ADGRL2: variants seen among roughly 807,000 people sequenced by gnomAD.
The protein encoded by ADGRL2 is adhesion G protein-coupled receptor L2, also known as calcium-independent alpha-latrotoxin receptor 2.
A neutral mutation model predicts 157.4 loss-of-function variants in ADGRL2; 44 were observed. That is an observed-to-expected ratio of 0.28 (90% confidence interval 0.22 to 0.36). ADGRL2 has a LOEUF of 0.36. Ranked by LOEUF, ADGRL2 falls within the 10% of genes least tolerant of loss-of-function variation. The pLI, the probability that ADGRL2 is intolerant of heterozygous loss-of-function variation, is 1.00. For missense variants in ADGRL2, 1,510 were observed against 1,768.9 expected, an observed-to-expected ratio of 0.85 and a Z score of 2.63; for synonymous variants, 585 against 624.7, an observed-to-expected ratio of 0.94 and a Z score of 0.95.
At chr1:81,850,391 A>G (rs1478374236) in intron 2 of ADGRL2, among the ~76,000 whole-genome samples, 3 of 151,704 alleles carry the variant, frequency 2.0e-5, no homozygotes. Flanking sequence ...TTGTCTTTTC[A>G]CACTTGATAT....
At chr1:81,487,898 T>C (rs1379513368) in intron 2 of ADGRL2, among the ~76,000 whole-genome samples, 2 of 152,164 alleles carry the variant, frequency 1.3e-5, no homozygotes, top group African/African-American at 4.8e-5. Context: ...GTTTCTTAGA[T>C]ACACATAGTA....
intron 1 of ADGRL2, among the ~76,000 whole-genome samples, chr1:81,395,674 A>C (rs578216052): frequency 2.4e-4 from 36 of 152,160 alleles, no homozygotes; most frequent in South Asian, 6.2e-4. Context: ...TTATAGTTTC[A>C]GTGTTTACAT....
rs529145470 is a variant in ADGRL2 at position 81,485,211 on chromosome 1, T to C, written c.-248+40122T>C. On this transcript the variant is annotated intron_variant, in intron 2 of 24. Transcript: ENST00000370721. ...AAAAAAAGTTTACCTGTCTGAGTGG[T>C]GTGTAGTAATCAGAAACAGGGAAAA... Among the ~76,000 whole-genome samples the C allele has an allele frequency of 4.1e-5, 6 of 147,904 alleles. No homozygotes were observed. The East Asian group carries it at 9.8e-4, about 24-fold the overall frequency.
intron 3 of ADGRL2, among the ~76,000 whole-genome samples, chr1:81,676,052 A>C (rs2082981862): frequency 6.6e-6 from 1 of 152,152 alleles, no homozygotes; most frequent in Non-Finnish European, 1.5e-5. Context: ...CCCAGGCTAG[A>C]GTGCAATGGC....
chr1:81,422,281 G>A (rs1444335565), intron 1 of ADGRL2, among the ~76,000 whole-genome samples: 3 of 151,664 alleles, frequency 2.0e-5, no homozygotes, highest in Admixed American at 6.6e-5. Context: ...GTCTCGTTCT[G>A]TTGCCTAGGC....
At chr1:81,900,793 A>G (rs1393168341) in intron 2 of ADGRL2, among the ~76,000 whole-genome samples, 1 of 152,202 alleles carries the variant, frequency 6.6e-6, no homozygotes, top group Non-Finnish European at 1.5e-5. Context: ...ATACAATCAC[A>G]TCAGCAAAGA....
intron 11 of ADGRL2, among the ~76,000 whole-genome samples, chr1:81,965,259 G>A (rs980945668): frequency 6.6e-6 from 1 of 152,128 alleles, no homozygotes; most frequent in Non-Finnish European, 1.5e-5. Context: ...GGTCTCTCTC[G>A]CAAATATTTA....
chr1:81,353,571 G>A (rs66519958), intron 1 of ADGRL2, among the ~76,000 whole-genome samples: 38,927 of 152,076 alleles, frequency 0.26, 5,306 homozygotes, highest in Middle Eastern at 0.39. Flanking sequence ...AAAATAGATT[G>A]AAAGACAAAT....
At chr1:81,889,984 A>G (rs2094219150) in intron 2 of ADGRL2, among the ~76,000 whole-genome samples, 1 of 152,212 alleles carries the variant, frequency 6.6e-6, no homozygotes, top group Non-Finnish European at 1.5e-5. Flanking sequence ...AATGCTCCTC[A>G]TCTCTGGCAA....
intron 1 of ADGRL2, among the ~76,000 whole-genome samples, chr1:81,379,699 C>G (rs2076311516): frequency 6.6e-6 from 1 of 152,112 alleles, no homozygotes; most frequent in Non-Finnish European, 1.5e-5. Context: ...CAGTGTGCTC[C>G]CCTCAACATC....
intron 3 of ADGRL2, among the ~76,000 whole-genome samples, chr1:81,599,035 AATCAGCAGAGTGGACCTTACATTTT>A (rs1296419578): frequency 6.6e-6 from 1 of 152,204 alleles, no homozygotes; most frequent in Admixed American, 6.5e-5. Flanking sequence ...GATTCTATCT[AATCAGCAGAGTGGACCTTACATTTT>A]AGCAAAGGCC....
At chr1:81,555,695 A>G (rs1240166307) in intron 2 of ADGRL2, among the ~76,000 whole-genome samples, 2 of 152,174 alleles carry the variant, frequency 1.3e-5, no homozygotes, top group African/African-American at 2.4e-5. Flanking sequence ...TTAAGTAGTC[A>G]ATGATCACTC....
At chr1:81,921,334 T>C (rs2094973098) in intron 3 of ADGRL2, among the ~76,000 whole-genome samples, 1 of 152,230 alleles carries the variant, frequency 6.6e-6, no homozygotes, top group South Asian at 2.1e-4. Flanking sequence ...CACCTCAGTC[T>C]ATTAATATGT....
intron 2 of ADGRL2, among the ~76,000 whole-genome samples, chr1:81,787,060 T>C (rs1173697281): frequency 6.7e-6 from 1 of 148,434 alleles, no homozygotes; most frequent in Non-Finnish European, 1.5e-5. Context: ...TACCAGGGGT[T>C]TCTGCTTTTG....
At chr1:81,856,808 TA>T (rs201513842) in intron 2 of ADGRL2, among the ~76,000 whole-genome samples, 3,396 of 150,010 alleles carry the variant, frequency 0.023, 127 homozygotes, top group African/African-American at 0.078. Flanking sequence ...ATTACAGAAT[TA>T]AAAAAAAAAT....
intron 3 of ADGRL2, among the ~76,000 whole-genome samples, chr1:81,679,365 G>T (rs2083061333): frequency 6.6e-6 from 1 of 151,224 alleles, no homozygotes; most frequent in South Asian, 2.1e-4. Context: ...TATCTTCTTG[G>T]CTAATGAGGA....
intron 2 of ADGRL2, among the ~76,000 whole-genome samples, chr1:81,479,641 C>T (rs2078344844): frequency 6.6e-6 from 1 of 152,132 alleles, no homozygotes; most frequent in East Asian, 1.9e-4. Flanking sequence ...AAAACAACCT[C>T]AAATGGATGA....
At position 81,379,337 on chromosome 1, in the gene ADGRL2, G is replaced by A. The variant is rs142516049; in HGVS notation, c.-301-65699G>A. Among the ~76,000 whole-genome samples the A allele has an allele frequency of 2.6e-3, 396 of 152,296 alleles. 3 individuals carry two copies. The highest frequency in any genetic ancestry group is 4.6e-3 in the Non-Finnish European group (315 of 68,030). On this transcript the variant is annotated intron_variant, in intron 1 of 24. Coordinates refer to the ADGRL2 transcript ENST00000370721. Reference sequence around the variant, plus strand: ...AATGTTTACAGCTCCTGAGGCCCCAGTGGGCCTATGTTACAGGGTGCTCTT... The same window carrying A: ...AATGTTTACAGCTCCTGAGGCCCCAATGGGCCTATGTTACAGGGTGCTCTT...
At chr1:81,619,303 T>C (rs1196439864) in intron 3 of ADGRL2, among the ~76,000 whole-genome samples, 2 of 151,552 alleles carry the variant, frequency 1.3e-5, no homozygotes, top group African/African-American at 4.9e-5. Context: ...GTGTCTGCCT[T>C]CAAACCACCT....
Sources: allele counts gnomAD v4.1 joint callset (sites outside exome capture counted in the v4.1 genomes callset), GRCh38; gene constraint gnomAD v4.1.1; transcripts MANE v1.5; gene names NCBI Gene and HGNC (gene_info 2026-07-23, HGNC 2026-07-21).